ANKRD20A1: variants seen among roughly 807,000 people sequenced by gnomAD.
ANKRD20A1 encodes the protein ankyrin repeat domain-containing protein 20A1.
Under a neutral mutation model 50.9 loss-of-function variants are expected in ANKRD20A1, and 2 were observed. The observed-to-expected ratio is 0.04, with a 90% CI of 0.02 to 0.12. The LOEUF is 0.12. ANKRD20A1 is among the 10% of genes least tolerant of loss of function. ANKRD20A1 has a pLI of 1.00. For missense variants in ANKRD20A1, 31 were observed against 548.1 expected (o/e 0.06, Z 9.42); for synonymous variants, 10 against 186.2 (o/e 0.05, Z 7.70).
intron 11 of ANKRD20A1, among the ~76,000 whole-genome samples, chr9:67,890,242 CAA>C (rs1487974331): frequency 4.7e-5 from 5 of 107,462 alleles, no homozygotes; most frequent in African/African-American, 1.4e-4. Context: ...ATATAAATAA[CAA>C]AGAGAATGAG....
chr9:67,881,339 A>T, intron 8 of ANKRD20A1, among the ~76,000 whole-genome samples: 1 of 148,686 alleles, frequency 6.7e-6, no homozygotes, highest in Non-Finnish European at 1.5e-5. Flanking sequence ...TTGTCCATGA[A>T]GAGTTTATAT....
Position 67,896,019 on chromosome 9 carries a change from A to G in ANKRD20A1, c.1153-1540A>G, listed in dbSNP as rs1486698038. Reference sequence around the variant, plus strand: ...TTCATTAATCAACCTATGTCTCACTATCAGTCTTCCAAGTGGCGTATGAGC... The same window carrying G: ...TTCATTAATCAACCTATGTCTCACTGTCAGTCTTCCAAGTGGCGTATGAGC... On this transcript the variant is annotated intron_variant, in intron 12 of 14. Coordinates refer to ENST00000562196, the MANE Select transcript of ANKRD20A1 (RefSeq NM_032250.5). Among the ~76,000 whole-genome samples the G allele has an allele frequency of 4.2e-5, 2 of 47,842 alleles. 1 individual carries two copies. Among genetic ancestry groups the G allele is most frequent in the Non-Finnish European group, 8.9e-5 (2 of 22,444 alleles). The allele number at this position is 47,842 out of a possible 152,430, so 31.4% of individuals were successfully genotyped here.
intron 11 of ANKRD20A1, among the ~76,000 whole-genome samples, chr9:67,887,923 G>GTATATA (rs1204770447): frequency 2.4e-5 from 1 of 41,632 alleles, no homozygotes; most frequent in African/African-American, 7.2e-5. Context: ...GACTGTGTGT[G>GTATATA]TAGGTGTATA....
intron 8 of ANKRD20A1, among the ~76,000 whole-genome samples, chr9:67,881,308 A>C (rs1781252213): frequency 6.9e-6 from 1 of 145,104 alleles, no homozygotes. Context: ...ATTGCAAAGG[A>C]ATTTTTGTGT....
chr9:67,884,862 C>T (rs1242568756), intron 9 of ANKRD20A1, among the ~76,000 whole-genome samples: 2 of 151,230 alleles, frequency 1.3e-5, no homozygotes, highest in African/African-American at 2.4e-5. Flanking sequence ...TGCATTCCAC[C>T]CTGGGCGACA....
intron 5 of ANKRD20A1, among the ~76,000 whole-genome samples, chr9:67,868,966 G>A (rs1827620006): frequency 1.4e-5 from 1 of 70,754 alleles, no homozygotes. Flanking sequence ...CCCCTGCCTC[G>A]GCCTCTGAAA....
At chr9:67,865,514 A>C (rs1362768084) in intron 3 of ANKRD20A1, among the ~76,000 whole-genome samples, 3 of 145,354 alleles carry the variant, frequency 2.1e-5, no homozygotes, top group Admixed American at 1.4e-4. Flanking sequence ...GTAACACATT[A>C]ATAGCGAATA....
At position 67,884,487 on chromosome 9, in the gene ANKRD20A1, A is replaced by C. The variant is rs1444324158; in HGVS notation, c.896A>C (p.Gln299Pro). The C allele has an allele frequency of 6.3e-7, 1 of 1,584,600 alleles. No homozygotes were observed. The highest frequency in any genetic ancestry group is 8.5e-7 in the Non-Finnish European group (1 of 1,173,506). The change falls in exon 9 of 15, where the codon CAG (glutamine) becomes CCG (proline). Residue 299 changes from glutamine (Q) to proline (P), a missense_variant and splice_region_variant. Physicochemically the swap from Gln to Pro is moderately conservative, Grantham distance 76. Transcript: ENST00000562196. ...AACTAATTCTTGATATTACCTTAGC[A>C]GTGTGTCCCCGAGAAAGTGTCAGAG... is the stretch of plus-strand genomic sequence containing the variant. ...DDKDLNVATK[Q>P]CVPEKVSEPL...
intron 4 of ANKRD20A1, among the ~76,000 whole-genome samples, 178 bp downstream of exon 4, chr9:67,867,561 G>A (rs1398455697): frequency 3.9e-5 from 6 of 152,384 alleles, no homozygotes; most frequent in East Asian, 1.9e-4. Context: ...GTATATAGTA[G>A]GATTCATCTT....
chr9:67,890,989 C>A (rs1416636111), intron 11 of ANKRD20A1, among the ~76,000 whole-genome samples: 26 of 84,970 alleles, frequency 3.1e-4, no homozygotes, highest in African/African-American at 1.0e-3. Context: ...GGAAACAGAA[C>A]TTTTAAAACA....
chr9:67,885,675 G>A (rs1410976190), intron 9 of ANKRD20A1, among the ~76,000 whole-genome samples: 2 of 152,426 alleles, frequency 1.3e-5, no homozygotes, highest in African/African-American at 4.8e-5. Context: ...GGCCAAAAGG[G>A]CAATTAGGGG....
Position 67,864,671 on chromosome 9 carries a change from A to C in ANKRD20A1, c.492+1280A>C, listed in dbSNP as rs1243013767. On this transcript the variant is annotated intron_variant, in intron 3 of 14. Coordinates refer to ENST00000562196, the MANE Select transcript of ANKRD20A1 (RefSeq NM_032250.5). ...AACAATAATAGCCAAAAAAAAAAAA[A>C]AAAACCCCAAAAAAACAAAAAACCT... Among the ~76,000 whole-genome samples, 2 of 46,354 alleles carry C rather than the reference A, an allele frequency of 4.3e-5. 1 individual carries two copies. The highest frequency in any genetic ancestry group is 8.5e-5 in the Non-Finnish European group (2 of 23,462). 30.4% of individuals were successfully genotyped at this position (46,354 alleles called of 152,430 possible).
Position 67,872,444 on chromosome 9 carries a change from C to T in ANKRD20A1, c.793+1232C>T, listed in dbSNP as rs148327467. Among the ~76,000 whole-genome samples the T allele has an allele frequency of 4.9e-3, 551 of 113,170 alleles. 62 individuals carry two copies. Among genetic ancestry groups the T allele is most frequent in the African/African-American group, 0.015 (504 of 33,220 alleles). The allele number at this position is 113,170 out of a possible 152,430, so 74.2% of individuals were successfully genotyped here. On this transcript the variant is annotated intron_variant, in intron 6 of 14. Coordinates refer to ENST00000562196, the MANE Select transcript of ANKRD20A1 (RefSeq NM_032250.5). ...ACCAAATCCAACTGTTCACAGAGAG[C>T]GGTGGATAGCGCATCCTACTGTTTG...
At position 67,859,928 on chromosome 9, in the gene ANKRD20A1, G is replaced by A. The variant is rs1435097696; in HGVS notation, c.203+299G>A. Among the ~76,000 whole-genome samples the A allele has an allele frequency of 1.2e-4, 6 of 49,052 alleles. 3 individuals are homozygous for A. The highest frequency in any genetic ancestry group is 1.6e-4 in the Non-Finnish European group (4 of 24,346). The allele number at this position is 49,052 out of a possible 152,430, so 32.2% of individuals were successfully genotyped here. On this transcript the variant is annotated intron_variant, in intron 1 of 14. Coordinates refer to ENST00000562196, the MANE Select transcript of ANKRD20A1 (RefSeq NM_032250.5). Reference sequence around the variant, plus strand: ...ACTCGTTCCCCTATCAAAAATAACCGTGAGTTGTTTCAGTGGGCGAAAAGT... The same window carrying A: ...ACTCGTTCCCCTATCAAAAATAACCATGAGTTGTTTCAGTGGGCGAAAAGT...
rs1409340498 is a variant in ANKRD20A1 at position 67,883,066 on chromosome 9, T to A, written c.895-1420T>A. Among the ~76,000 whole-genome samples, 32 of 150,942 alleles carry A rather than the reference T, an allele frequency of 2.1e-4. No homozygotes were observed. The East Asian group carries it at 6.4e-3, about 30-fold the overall frequency. On this transcript the variant is annotated intron_variant, in intron 8 of 14. Coordinates refer to ENST00000562196, the MANE Select transcript of ANKRD20A1 (RefSeq NM_032250.5). ...GGACATTTGGGTTGGTTCCAAGTCT[T>A]TGCTATTGTAAATAGTGCCGCAGTA...
intron 8 of ANKRD20A1, among the ~76,000 whole-genome samples, chr9:67,881,991 GT>G (rs1827806880): frequency 7.5e-6 from 1 of 134,154 alleles, no homozygotes; most frequent in Non-Finnish European, 1.6e-5. Context: ...TTTACTTGTT[GT>G]TTTTTGAGAT....
chr9:67,884,734 C>CA (rs1827849575), intron 9 of ANKRD20A1, among the ~76,000 whole-genome samples, 164 bp downstream of exon 9: 2 of 149,868 alleles, frequency 1.3e-5, no homozygotes, highest in South Asian at 4.3e-4. Flanking sequence ...ACTAAAAATA[C>CA]AAAAAACTAG....
chr9:67,872,679 AATT>A (rs1452165281), intron 6 of ANKRD20A1, among the ~76,000 whole-genome samples: 1 of 136,202 alleles, frequency 7.3e-6, no homozygotes, highest in African/African-American at 2.7e-5. Context: ...ACAATTAATC[AATT>A]ATTATTATCA....
chr9:67,864,675 A>AC lies in ANKRD20A1; in HGVS notation c.492+1288dup, dbSNP rs1192439703. On this transcript the variant is annotated intron_variant, in intron 3 of 14. Coordinates refer to ENST00000562196, the MANE Select transcript of ANKRD20A1 (RefSeq NM_032250.5). ...ATAATAGCCAAAAAAAAAAAAAAAA[A>AC]CCCCAAAAAAACAAAAAACCTTCAA... is the stretch of plus-strand genomic sequence containing the variant. 2.9e-4 allele frequency among the ~76,000 whole-genome samples: 13 copies of AC among 44,516 alleles called. 3 individuals carry two copies. In the East Asian group the frequency reaches 5.6e-3, roughly 19 times the overall value. The allele number at this position is 44,516 out of a possible 152,430, so 29.2% of individuals were successfully genotyped here. A position where few individuals can be genotyped will look rare whatever the true frequency, so the allele number is the denominator to read the frequency against.
Sources: allele counts gnomAD v4.1 joint callset (sites outside exome capture counted in the v4.1 genomes callset), GRCh38; gene constraint gnomAD v4.1.1; transcripts MANE v1.5; gene names NCBI Gene and HGNC (gene_info 2026-07-23, HGNC 2026-07-21).